Variants in ARFRP1 observed in about 807,000 individuals in gnomAD.
ARFRP1 encodes ARF related protein 1.
A neutral mutation model predicts 30.3 loss-of-function variants in ARFRP1; 19 were observed. That is an observed-to-expected ratio of 0.63 (90% CI 0.44 to 0.92). ARFRP1 has a LOEUF of 0.92. Ranked by LOEUF, ARFRP1 falls within the 40% of genes least tolerant of loss-of-function variation. The pLI, the probability that ARFRP1 is intolerant of heterozygous loss-of-function variation, is 0.00. For missense variants in ARFRP1, 245 were observed against 267.5 expected, an observed-to-expected ratio of 0.92 and a Z score of 0.59; for synonymous variants, 133 against 114.2, an observed-to-expected ratio of 1.16 and a Z score of -1.05.
In ARFRP1 at chr20:63,698,707, T is replaced by C; in HGVS notation, c.*1736A>G. 1.9e-6 allele frequency: 2 copies of C among 1,070,534 alleles called. No homozygotes were observed. Among genetic ancestry groups the C allele is most frequent in the Non-Finnish European group, 2.5e-6 (2 of 801,540 alleles). The allele number at this position is 1,070,534 out of a possible 1,614,324, so 66.3% of individuals were successfully genotyped here. A position where few individuals can be genotyped will look rare whatever the true frequency, so the allele number is the denominator to read the frequency against. On this transcript the variant is annotated 3_prime_UTR_variant, in exon 8 of 8. Transcript: ENST00000622789. ...AAACTGGTTGTAGTTGCACAGCTAC[T>C]GGGAGGGCAGCCGGGGACACCTGAG...
rs1601282016 is a variant in ARFRP1, at chr20:63,706,192, T to C, written c.264+165A>G. On this transcript the variant is annotated intron_variant, in intron 4 of 7. Coordinates refer to ENST00000622789, the MANE Select transcript of ARFRP1 (RefSeq NM_001267547.3). ...GGGCAACTTCAGCTAAGGGTTCAGC[T>C]GGGACAAAACAGGGAGCCACTCGGG... 1.3e-5 allele frequency: 9 copies of C among 674,964 alleles called. No homozygotes were observed. The East Asian group carries it at 2.2e-4, about 16-fold the overall frequency. 41.8% of individuals were successfully genotyped at this position (674,964 alleles called of 1,614,324 possible).
At chr20:63,707,329 G>A (rs1209052172) in intron 1 of ARFRP1, 12 of 504,744 alleles carry the variant, frequency 2.4e-5, no homozygotes, top group East Asian at 3.3e-5. Context: ...CATACACATC[G>A]GTTCCGGCCC....
intron 5 of ARFRP1, 49 bp downstream of exon 5, chr20:63,702,087 T>C: frequency 1.3e-6 from 2 of 1,548,532 alleles, no homozygotes; most frequent in Non-Finnish European, 1.8e-6. Flanking sequence ...AAGCTGGACC[T>C]GCCCCCACTC....
At chr20:63,704,117 G>A (rs148709948) in intron 4 of ARFRP1, 72 of 152,410 alleles carry the variant, frequency 4.7e-4, no homozygotes, top group African/African-American at 1.6e-3. Flanking sequence ...TGCCACACAT[G>A]TGGACACCAA....
Position 63,700,590 on chromosome 20 carries a change from G to GC in ARFRP1, c.518+11dup, listed in dbSNP as rs751124303. ...GGTCCCCAAAGCCCCCGCAGGTGCA[G>GC]CCCCCACTCACCCTGTGAGGGCCGA... On this transcript the variant is annotated intron_variant, in intron 7 of 7. Transcript: ENST00000622789. 4 of 1,610,480 alleles carry GC rather than the reference G, an allele frequency of 2.5e-6. No homozygotes were observed. The highest frequency in any genetic ancestry group is 3.4e-6 in the Non-Finnish European group (4 of 1,179,870).
At chr20:63,706,520 A>G (rs1288350088) in intron 3 of ARFRP1, 81 bp from the exon 4 acceptor site, 1 of 1,541,944 alleles carries the variant, frequency 6.5e-7, no homozygotes, top group Non-Finnish European at 9.0e-7. Flanking sequence ...GGGATGGGGC[A>G]AACCATGCTG....
In ARFRP1 at chr20:63,699,980, C is replaced by T. The variant is rs961479647; in HGVS notation, c.*463G>A. On this transcript the variant is annotated 3_prime_UTR_variant, in exon 8 of 8. Transcript: ENST00000622789. ...TCAAGGCAAGATCAGCCCCAGACCA[C>T]TTCCGGGGTCACGGGGTCACGGGGT... 4.4e-6 allele frequency: 1 copy of T among 227,344 alleles called. No individual in the cohort carries two copies. Among genetic ancestry groups the T allele is most frequent in the Non-Finnish European group, 8.8e-6 (1 of 113,368 alleles). 14.1% of individuals were successfully genotyped at this position (227,344 alleles called of 1,614,324 possible). A position where few individuals can be genotyped will look rare whatever the true frequency, so the allele number is the denominator to read the frequency against.
Position 63,700,198 on chromosome 20 carries a change from G to A in ARFRP1, c.*245C>T. 1 of 558,184 alleles carries A rather than the reference G, an allele frequency of 1.8e-6. No homozygotes were observed. The highest frequency in any genetic ancestry group is 3.2e-6 in the Non-Finnish European group (1 of 315,778). The allele number at this position is 558,184 out of a possible 1,614,324, so 34.6% of individuals were successfully genotyped here. ...GAAAGGGCCTCGAAAGGCCGCCGCT[G>A]CGCCCTGTGGAAAGGCTGCCGCTGC... On this transcript the variant is annotated 3_prime_UTR_variant, in exon 8 of 8. Coordinates refer to ENST00000622789, the MANE Select transcript of ARFRP1 (RefSeq NM_001267547.3).
rs1326454896 is a variant in ARFRP1 at position 63,699,000 on chromosome 20, C to G, written c.*1443G>C. The G allele has an allele frequency of 6.4e-6, 1 of 155,836 alleles. No homozygotes were observed. The highest frequency in any genetic ancestry group is 1.4e-5 in the Non-Finnish European group (1 of 70,586). The allele number at this position is 155,836 out of a possible 1,614,324, so 9.7% of individuals were successfully genotyped here. The stretch of plus-strand genomic sequence containing the variant: ...CCCCACTTATGAATTCCTCCCACTC[C>G]CAACTCACAGGGGATTTCCCGAGAG... On this transcript the variant is annotated 3_prime_UTR_variant, in exon 8 of 8. Coordinates refer to ENST00000622789, the MANE Select transcript of ARFRP1 (RefSeq NM_001267547.3).
chr20:63,702,000 C>CCT, intron 5 of ARFRP1, 100 bp from the exon 6 acceptor site: 1 of 152,820 alleles, frequency 6.5e-6, no homozygotes, highest in Non-Finnish European at 1.1e-5. Flanking sequence ...CTCCCTCTGC[C>CCT]CCCCCCCCCC....
chr20:63,701,593 AG>A, intron 6 of ARFRP1: 1 of 592,802 alleles, frequency 1.7e-6, no homozygotes, highest in Non-Finnish European at 3.0e-6. Context: ...CCTGCATAGC[AG>A]GAAGAGGCCT....
At chr20:63,706,188 C>T (rs2091452736) in intron 4 of ARFRP1, 169 bp downstream of exon 4, 2 of 652,958 alleles carry the variant, frequency 3.1e-6, no homozygotes, top group Non-Finnish European at 5.3e-6. Context: ...GCTAAGGGTT[C>T]AGCTGGGACA....
At chr20:63,701,998 G>GCCCCCCCCCCCCCCCC (rs59166240) in intron 5 of ARFRP1, 98 bp from the exon 6 acceptor site, 32 of 585,722 alleles carry the variant, frequency 5.5e-5, no homozygotes, top group South Asian at 1.9e-4. Context: ...CACTCCCTCT[G>GCCCCCCCCCCCCCCCC]CCCCCCCCCC....
chr20:63,700,508 C>T lies in ARFRP1; in HGVS notation c.541G>A (p.Glu181Lys), dbSNP rs2091147352. 5.0e-6 allele frequency: 8 copies of T among 1,610,762 alleles called. No homozygotes were observed. The East Asian group carries it at 6.7e-5, about 13-fold the overall frequency. The change falls in exon 8 of 8, where the codon GAG becomes AAG. Residue 181 changes from glutamate to lysine, a missense_variant. Glu to Lys is a moderately conservative substitution (Grantham distance 56, BLOSUM62 1). Transcript: ENST00000622789. Reference protein sequence around the residue: ...LTGKGVREGIEWMVKCVVRNV... With the variant: ...LTGKGVREGIKWMVKCVVRNV... The stretch of plus-strand genomic sequence containing the variant: ...CGCACGACACACTTCACCATCCACT[C>T]GATGCCCTCGCGCACCCCTTTGCTG...
At position 63,702,232 on chromosome 20, in the gene ARFRP1, CAGG is replaced by C; in HGVS notation, c.265-18_265-16del. 1.2e-6 allele frequency: 2 copies of C among 1,609,646 alleles called. No homozygotes were observed. Among genetic ancestry groups the C allele is most frequent in the Non-Finnish European group, 1.7e-6 (2 of 1,178,132 alleles). On this transcript the variant is annotated splice_polypyrimidine_tract_variant and intron_variant, in intron 4 of 7. Transcript: ENST00000622789. ...TCCGCATAATACTGGGAGGAAGCAC[CAGG>C]AGTTGGGGCTCAGTCCCCACCCTGC...
Position 63,706,745 on chromosome 20 carries a change from A to G in ARFRP1, c.94-7T>C, listed in dbSNP as rs751025946. Reference sequence around the variant, plus strand: ...TCGACTGCTCCAGGAAGGTCTGAGGAGAGAGGCAGAGGCGAAACACATCAA... The same window carrying G: ...TCGACTGCTCCAGGAAGGTCTGAGGGGAGAGGCAGAGGCGAAACACATCAA... On this transcript the variant is annotated splice_polypyrimidine_tract_variant and splice_region_variant and intron_variant, in intron 2 of 7. Transcript: ENST00000622789. 1.2e-6 allele frequency: 2 copies of G among 1,603,562 alleles called. No individual in the cohort carries two copies. Among genetic ancestry groups the G allele is most frequent in the Admixed American group, 1.7e-5 (1 of 60,008 alleles).
intron 6 of ARFRP1, 165 bp from the exon 7 acceptor site, chr20:63,700,867 G>T: frequency 3.2e-6 from 3 of 943,658 alleles, no homozygotes; most frequent in Non-Finnish European, 4.7e-6. Flanking sequence ...AGGACCCTGT[G>T]CTCAGCCCGA....
chr20:63,698,718 C>G lies in ARFRP1; in HGVS notation c.*1725G>C. On this transcript the variant is annotated 3_prime_UTR_variant, in exon 8 of 8. Coordinates refer to ENST00000622789, the MANE Select transcript of ARFRP1 (RefSeq NM_001267547.3). ...AGTTGCACAGCTACTGGGAGGGCAG[C>G]CGGGGACACCTGAGCCGCCCGCTGT... 1.1e-6 allele frequency: 1 copy of G among 943,424 alleles called. No homozygotes were observed. Among genetic ancestry groups the G allele is most frequent in the South Asian group, 2.3e-5 (1 of 43,670 alleles). The allele number at this position is 943,424 out of a possible 1,614,324, so 58.4% of individuals were successfully genotyped here. A position where few individuals can be genotyped will look rare whatever the true frequency, so the allele number is the denominator to read the frequency against.
intron 5 of ARFRP1, 99 bp from the exon 6 acceptor site, chr20:63,701,999 C>CCCA: frequency 4.3e-5 from 2 of 46,822 alleles, no homozygotes; most frequent in Non-Finnish European, 7.2e-5. Context: ...ACTCCCTCTG[C>CCCA]CCCCCCCCCC....
Sources: gnomAD v4.1 joint callset for allele counts on GRCh38, gnomAD v4.1.1 for gene constraint, MANE v1.5 for transcripts, NCBI Gene and HGNC (gene_info 2026-07-23, HGNC 2026-07-21) for gene names.